INSR: variants seen among roughly 807,000 people sequenced by gnomAD.
The protein encoded by INSR is insulin receptor, also known as IR.
INSR carries 67 observed loss-of-function variants against 142.6 expected under a neutral mutation model. That is an observed-to-expected ratio of 0.47 (90% confidence interval 0.39 to 0.58). The LOEUF (loss-of-function observed/expected upper bound fraction) is 0.58, where lower values mean the gene tolerates loss of function less well. Ranked by LOEUF, INSR falls within the 20% of genes least tolerant of loss-of-function variation. The pLI, the probability that INSR is intolerant of heterozygous loss-of-function variation, is 0.00. For missense variants in INSR, 1,248 were observed against 1,833.2 expected (o/e 0.68, Z 5.83); for synonymous variants, 756 against 743.1 (o/e 1.02, Z -0.28).
chr19:7,293,852 G>A lies in INSR; in HGVS notation c.40C>T (p.Leu14=). Residue 14 remains leucine, a synonymous_variant, in exon 1 of 22, where the codon CTG becomes TTG. Transcript: ENST00000302850. ...AGCAGCGCGGCCACCGCCACCAGCAGCGGCGCGGCCGCCGCCCCCCGCCGG... is the reference window on the plus strand; with the variant it reads ...AGCAGCGCGGCCACCGCCACCAGCAACGGCGCGGCCGCCGCCCCCCGCCGG... ...GGRRGAAAAP[L]LVAVAALLLG... 1 of 1,259,824 alleles carries A rather than the reference G, an allele frequency of 7.9e-7. No homozygotes were observed. Among genetic ancestry groups the A allele is most frequent in the Admixed American group, 4.3e-5 (1 of 23,470 alleles). The allele number at this position is 1,259,824 out of a possible 1,614,324, so 78.0% of individuals were successfully genotyped here.
At chr19:7,154,301 T>C (rs866796043) in intron 9 of INSR, among the ~76,000 whole-genome samples, 12 of 55,656 alleles carry the variant, frequency 2.2e-4, no homozygotes, top group Non-Finnish European at 3.2e-4. Context: ...CCACAATTAC[T>C]TTTTTTTTTT....
In INSR at chr19:7,270,316, T is replaced by TTCTC. The variant is rs371690798; in HGVS notation, c.101-2424_101-2421dup. Among the ~76,000 whole-genome samples the TTCTC allele has an allele frequency of 1.4e-3, 184 of 128,288 alleles. 3 individuals are homozygous for TTCTC. Among genetic ancestry groups the TTCTC allele is most frequent in the East Asian group, 0.012 (46 of 3,810 alleles). The allele number at this position is 128,288 out of a possible 152,430, so 84.2% of individuals were successfully genotyped here. On this transcript the variant is annotated intron_variant, in intron 1 of 21. Coordinates refer to ENST00000302850, the MANE Select transcript of INSR (RefSeq NM_000208.4). The stretch of plus-strand genomic sequence containing the variant: ...CCCTGAGTCCCACACTATATTTCAT[T>TTCTC]TCTCTCTCTCTCTCTCTCTCTCTCA...
At chr19:7,160,294 A>G (rs1599926873) in intron 9 of INSR, among the ~76,000 whole-genome samples, 1 of 152,036 alleles carries the variant, frequency 6.6e-6, no homozygotes. Context: ...AGCTGGGATT[A>G]CAGGCCCACG....
intron 3 of INSR, among the ~76,000 whole-genome samples, chr19:7,181,377 T>C (rs1001724166): frequency 2.6e-5 from 4 of 152,102 alleles, no homozygotes; most frequent in Non-Finnish European, 5.9e-5. Context: ...CTCAGCTTAA[T>C]AGGAAGAAGT....
chr19:7,161,927 A>C (rs1973758440), intron 9 of INSR, among the ~76,000 whole-genome samples: 1 of 152,154 alleles, frequency 6.6e-6, no homozygotes, highest in African/African-American at 2.4e-5. Flanking sequence ...TCACGCCTGT[A>C]ATCCCAGCGC....
At chr19:7,153,283 ACCACACACCG>A (rs1973471993) in intron 9 of INSR, among the ~76,000 whole-genome samples, 1 of 141,448 alleles carries the variant, frequency 7.1e-6, no homozygotes. Flanking sequence ...CACACACCAC[ACCACACACCG>A]CACACACACC....
intron 2 of INSR, among the ~76,000 whole-genome samples, chr19:7,240,600 AG>A (rs1320099472): frequency 2.0e-5 from 3 of 152,208 alleles, no homozygotes; most frequent in Non-Finnish European, 4.4e-5. Flanking sequence ...ATAGATTTAA[AG>A]AACAACTGAA....
At chr19:7,226,409 A>C (rs1266626222) in intron 2 of INSR, among the ~76,000 whole-genome samples, 2 of 31,810 alleles carry the variant, frequency 6.3e-5, no homozygotes, top group Non-Finnish European at 1.2e-4. Flanking sequence ...ACTCCGTCTC[A>C]AGGGAAAAAA....
At chr19:7,260,557 C>A (rs1311650756) in intron 2 of INSR, among the ~76,000 whole-genome samples, 2 of 152,294 alleles carry the variant, frequency 1.3e-5, no homozygotes, top group South Asian at 2.1e-4. Context: ...TCGCAAGATA[C>A]ATGTTCCTCT....
intron 9 of INSR, among the ~76,000 whole-genome samples, chr19:7,158,091 T>TA (rs1568454091): frequency 2.8e-5 from 4 of 142,560 alleles, no homozygotes; most frequent in African/African-American, 1.0e-4. Context: ...TTATTATTAT[T>TA]TGGAGAGGAA....
At chr19:7,199,400 A>G (rs1281517350) in intron 2 of INSR, among the ~76,000 whole-genome samples, 1 of 151,148 alleles carries the variant, frequency 6.6e-6, no homozygotes, top group Admixed American at 6.6e-5. Flanking sequence ...GATTTTTTAA[A>G]TTTGTTTGTT....
intron 1 of INSR, among the ~76,000 whole-genome samples, chr19:7,275,477 A>G (rs1968036765): frequency 6.6e-6 from 1 of 152,088 alleles, no homozygotes; most frequent in South Asian, 2.1e-4. Context: ...TCAATGAATT[A>G]AAGTGAAAAT....
Position 7,115,461 on chromosome 19 carries a change from C to T in INSR, c.*1595G>A, listed in dbSNP as rs1198105547. The T allele has an allele frequency of 3.3e-5, 5 of 152,234 alleles. No homozygotes were observed. The highest frequency in any genetic ancestry group is 5.9e-5 in the Non-Finnish European group (4 of 68,070). The allele number at this position is 152,234 out of a possible 1,614,324, so 9.4% of individuals were successfully genotyped here. A position where few individuals can be genotyped will look rare whatever the true frequency, so the allele number is the denominator to read the frequency against. On this transcript the variant is annotated 3_prime_UTR_variant, in exon 22 of 22. Coordinates refer to ENST00000302850, the MANE Select transcript of INSR (RefSeq NM_000208.4). ...GCACCACACCTGGCCCAGATGAGGT[C>T]ACCGGGCTCAGAGCAGCTTCCGGGA...
intron 2 of INSR, among the ~76,000 whole-genome samples, chr19:7,217,795 G>A (rs942931173): frequency 6.6e-6 from 1 of 152,192 alleles, no homozygotes; most frequent in African/African-American, 2.4e-5. Flanking sequence ...TCCTGACCTC[G>A]TGATCCACCC....
intron 2 of INSR, among the ~76,000 whole-genome samples, chr19:7,229,038 GATGA>G (rs1975872230): frequency 2.0e-5 from 3 of 149,064 alleles, no homozygotes; most frequent in East Asian, 2.0e-4. Flanking sequence ...TGGATGAATG[GATGA>G]GTGGATGTAT....
chr19:7,276,980 C>G (rs1968079210), intron 1 of INSR, among the ~76,000 whole-genome samples: 1 of 152,126 alleles, frequency 6.6e-6, no homozygotes. Flanking sequence ...ATCCACCCGT[C>G]TAGACCTCCC....
At chr19:7,153,090 CACAT>C (rs1973441825) in intron 9 of INSR, among the ~76,000 whole-genome samples, 163 bp from the exon 10 acceptor site, 2 of 121,382 alleles carry the variant, frequency 1.6e-5, no homozygotes, top group Admixed American at 9.4e-5. Flanking sequence ...CAACACACCA[CACAT>C]ACACACACCA....
In INSR at chr19:7,210,539, G is replaced by A. The variant is rs1001206383; in HGVS notation, c.653-25902C>T. Among the ~76,000 whole-genome samples, 6 of 152,034 alleles carry A rather than the reference G, an allele frequency of 3.9e-5. No individual in the cohort carries two copies. The East Asian group carries it at 1.2e-3, about 29-fold the overall frequency. ...TCTCCTCGCTGTGCGACTCCTGGAG[G>A]GGAACCTAGTGTGCCTGGTCCTCAG... On this transcript the variant is annotated intron_variant, in intron 2 of 21. Coordinates refer to ENST00000302850, the MANE Select transcript of INSR (RefSeq NM_000208.4).
intron 10 of INSR, 52 bp downstream of exon 10, chr19:7,152,674 C>A: frequency 1.4e-6 from 2 of 1,475,026 alleles, no homozygotes; most frequent in Non-Finnish European, 1.9e-6. Context: ...GACCTTCCAC[C>A]AACACCAAGC....
Sources: gnomAD v4.1 joint callset for allele counts (sites outside exome capture counted in the v4.1 genomes callset) on GRCh38, gnomAD v4.1.1 for gene constraint, MANE v1.5 for transcripts, NCBI Gene and HGNC (gene_info 2026-07-23, HGNC 2026-07-21) for gene names.